RYR2: variants seen among roughly 807,000 people sequenced by gnomAD.
The protein encoded by RYR2 is ryanodine receptor 2, also known as cardiac muscle ryanodine receptor-calcium release channel.
In RYR2, 227 loss-of-function variants were observed where a neutral mutation model predicts 601.1. That is an observed-to-expected ratio of 0.38 (90% CI 0.34 to 0.42). The LOEUF is 0.42. Among genes scored for constraint, RYR2 ranks in the 10% least tolerant of loss-of-function variants. RYR2 has a pLI of 1.00. For missense variants in RYR2, 4,646 were observed against 6,156.5 expected (o/e 0.75, Z 8.21); for synonymous variants, 2,223 against 2,175.1 (o/e 1.02, Z -0.61).
chr1:237,696,105 C>T (rs1687404740), intron 63 of RYR2, among the ~76,000 whole-genome samples: 1 of 152,148 alleles, frequency 6.6e-6, no homozygotes, highest in Non-Finnish European at 1.5e-5. Flanking sequence ...TCCCAGCCTG[C>T]CAGGCTTATA....
rs746044321 is a variant in RYR2 at position 237,778,648 on chromosome 1, T to G, written c.11776-18T>G. ...TAAATTATGAGGAATAATTGCCGTT[T>G]GTCTGTTTATGCTCCAGGGTCCTTG... On this transcript the variant is annotated intron_variant, in intron 87 of 104. Coordinates refer to ENST00000366574, the MANE Select transcript of RYR2 (RefSeq NM_001035.3). The G allele has an allele frequency of 7.3e-7, 1 of 1,372,310 alleles. No individual in the cohort carries two copies. Among genetic ancestry groups the G allele is most frequent in the South Asian group, 1.3e-5 (1 of 79,900 alleles). The allele number at this position is 1,372,310 out of a possible 1,614,324, so 85.0% of individuals were successfully genotyped here. A position where few individuals can be genotyped will look rare whatever the true frequency, so the allele number is the denominator to read the frequency against.
At chr1:237,443,359 A>G (rs1708077791) in intron 13 of RYR2, among the ~76,000 whole-genome samples, 1 of 152,102 alleles carries the variant, frequency 6.6e-6, no homozygotes, top group Non-Finnish European at 1.5e-5. Flanking sequence ...AGGACAGTTG[A>G]AATTGTTTTT....
chr1:237,059,417 A>T (rs1462843060), intron 1 of RYR2, among the ~76,000 whole-genome samples: 2 of 152,130 alleles, frequency 1.3e-5, no homozygotes, highest in Admixed American at 6.6e-5. Context: ...CTTGTTGTTC[A>T]TACCACCAGG....
intron 1 of RYR2, among the ~76,000 whole-genome samples, chr1:237,205,407 T>C (rs531761575): frequency 5.3e-4 from 80 of 152,150 alleles, no homozygotes; most frequent in Non-Finnish European, 1.3e-4. Flanking sequence ...GTACAAGCTG[T>C]TTACAGCATC....
At chr1:237,698,672 G>A (rs1399012751) in intron 63 of RYR2, among the ~76,000 whole-genome samples, 2 of 145,712 alleles carry the variant, frequency 1.4e-5, no homozygotes, top group Non-Finnish European at 3.1e-5. Context: ...ATGGGAGGGA[G>A]AGGGGATTAT....
intron 34 of RYR2, among the ~76,000 whole-genome samples, chr1:237,599,808 CAAAAAAA>C (rs56123861): frequency 1.9e-5 from 2 of 107,972 alleles, no homozygotes; most frequent in Non-Finnish European, 1.8e-5. Flanking sequence ...GACTCCATCT[CAAAAAAA>C]AAAAAAAAAA....
chr1:237,367,241 G>T (rs889215671), intron 5 of RYR2, among the ~76,000 whole-genome samples: 2 of 151,886 alleles, frequency 1.3e-5, no homozygotes, highest in Non-Finnish European at 2.9e-5. Flanking sequence ...GATTACAGGC[G>T]CCCGCCACCA....
At chr1:237,275,659 T>C (rs1690204235) in intron 2 of RYR2, among the ~76,000 whole-genome samples, 1 of 151,720 alleles carries the variant, frequency 6.6e-6, no homozygotes, top group Non-Finnish European at 1.5e-5. Context: ...TTGAAAAAAA[T>C]AAGTACAATG....
At chr1:237,444,800 C>CA (rs1386580411) in intron 13 of RYR2, among the ~76,000 whole-genome samples, 1 of 152,018 alleles carries the variant, frequency 6.6e-6, no homozygotes, top group Non-Finnish European at 1.5e-5. Context: ...AGTTCAAAAA[C>CA]AAAAAACTAT....
Position 237,819,813 on chromosome 1 carries a change from C to A in RYR2, c.14590+621C>A, listed in dbSNP as rs1004178495. ...AGCCTGGGCAACAAGAGCGAAACTC[C>A]ATTTCAAAACACACACTCAAACCCA... On this transcript the variant is annotated intron_variant, in intron 101 of 104. Transcript: ENST00000366574. The surrounding 1 kb of genome is among the most constrained non-coding windows in gnomAD (Gnocchi z 4.0). Among the ~76,000 whole-genome samples the A allele has an allele frequency of 4.0e-5, 6 of 151,808 alleles. No individual in the cohort carries two copies. Among genetic ancestry groups the A allele is most frequent in the Non-Finnish European group, 5.9e-5 (4 of 67,958 alleles).
chr1:237,628,591 G>T (rs1314811699), intron 41 of RYR2, among the ~76,000 whole-genome samples: 2 of 151,954 alleles, frequency 1.3e-5, no homozygotes, highest in Non-Finnish European at 2.9e-5. Flanking sequence ...TGGTGTATAT[G>T]TGCCACATTT....
At chr1:237,624,833 G>C (rs2148653974) in intron 39 of RYR2, among the ~76,000 whole-genome samples, 1 of 152,200 alleles carries the variant, frequency 6.6e-6, no homozygotes, top group South Asian at 2.1e-4. Context: ...TAAAGTTATA[G>C]ATAAAAATAA....
chr1:237,451,120 A>G (rs1658051722), intron 14 of RYR2, among the ~76,000 whole-genome samples: 1 of 152,126 alleles, frequency 6.6e-6, no homozygotes, highest in Admixed American at 6.6e-5. Context: ...TAGGCTGGGC[A>G]CGGTAGTGAC....
intron 23 of RYR2, among the ~76,000 whole-genome samples, chr1:237,509,131 A>T (rs890060331): frequency 6.6e-6 from 1 of 152,180 alleles, no homozygotes; most frequent in Non-Finnish European, 1.5e-5. Context: ...GTCTGAGGCC[A>T]GTTGAGGCAA....
At chr1:237,745,598 A>G (rs954445692) in intron 80 of RYR2, among the ~76,000 whole-genome samples, 1 of 152,220 alleles carries the variant, frequency 6.6e-6, no homozygotes, top group African/African-American at 2.4e-5. Flanking sequence ...AAGGCTCCTC[A>G]TTCAGAAAAG....
chr1:237,169,464 A>G (rs1677100852), intron 1 of RYR2, among the ~76,000 whole-genome samples: 3 of 151,908 alleles, frequency 2.0e-5, no homozygotes, highest in Admixed American at 1.3e-4. Context: ...ATGCCTGGCT[A>G]ATTTTTTGTA....
chr1:237,550,723 T>C, intron 27 of RYR2, 32 bp downstream of exon 27: 2 of 1,532,490 alleles, frequency 1.3e-6, no homozygotes. Flanking sequence ...CTTCTTCGGT[T>C]GCAAGATGAT....
intron 1 of RYR2, among the ~76,000 whole-genome samples, chr1:237,061,276 C>CATCTATCTATCTATCT (rs55852744): frequency 2.0e-5 from 2 of 98,720 alleles, no homozygotes; most frequent in African/African-American, 3.4e-5. Context: ...ATCCATCTAT[C>CATCTATCTATCTATCT]ATCTATCTAT....
At chr1:237,506,263 C>T (rs1444286953) in intron 22 of RYR2, among the ~76,000 whole-genome samples, 3 of 151,460 alleles carry the variant, frequency 2.0e-5, no homozygotes, top group African/African-American at 4.9e-5. Flanking sequence ...GAAGGCTGGG[C>T]GCAGTGGCTC....
Sources: allele counts gnomAD v4.1 joint callset (sites outside exome capture counted in the v4.1 genomes callset), GRCh38; gene constraint gnomAD v4.1.1; non-coding constraint Gnocchi (gnomAD v3.1); transcripts MANE v1.5; gene names NCBI Gene and HGNC (gene_info 2026-07-23, HGNC 2026-07-21).